UBTD1: variants seen among roughly 807,000 people sequenced by gnomAD.
UBTD1 encodes the protein ubiquitin domain containing 1.
A neutral mutation model predicts 21.7 loss-of-function variants in UBTD1; 19 were observed. That is an observed-to-expected ratio of 0.87 (90% CI 0.61 to 1.28). The LOEUF (loss-of-function observed/expected upper bound fraction) is 1.28. Among genes scored for constraint, UBTD1 ranks in the 50% most tolerant of loss-of-function variants. UBTD1 has a pLI of 0.00. For synonymous variants in UBTD1, 116 were observed against 135.1 expected (o/e 0.86, Z 0.98); for missense variants, 282 against 315.1 (o/e 0.89, Z 0.80).
intron 1 of UBTD1, among the ~76,000 whole-genome samples, chr10:97,561,679 C>T (rs1377763949): frequency 6.6e-6 from 1 of 152,110 alleles, no homozygotes; most frequent in East Asian, 1.9e-4. Flanking sequence ...CCAGGCAGGC[C>T]CAGGTCTGGT....
In UBTD1 at chr10:97,507,096, C is replaced by T. The variant is rs181746150; in HGVS notation, c.70+7823C>T. On this transcript the variant is annotated intron_variant, in intron 1 of 2. Coordinates refer to ENST00000370664, the MANE Select transcript of UBTD1 (RefSeq NM_024954.5). Reference sequence around the variant, plus strand: ...TCTATTTTTACTTTTTTGAATAACCCCCCATAACACTTTCCTCAGCAGCTG... The same window carrying T: ...TCTATTTTTACTTTTTTGAATAACCTCCCATAACACTTTCCTCAGCAGCTG... 4.9e-3 allele frequency among the ~76,000 whole-genome samples: 740 copies of T among 152,246 alleles called. 8 individuals carry two copies. Among genetic ancestry groups the T allele is most frequent in the African/African-American group, 0.017 (688 of 41,520 alleles).
At chr10:97,501,482 C>T (rs2040376119) in intron 1 of UBTD1, among the ~76,000 whole-genome samples, 1 of 152,162 alleles carries the variant, frequency 6.6e-6, no homozygotes, top group African/African-American at 2.4e-5. Context: ...CCCAGCTACT[C>T]AGGAGGCTGA....
intron 1 of UBTD1, among the ~76,000 whole-genome samples, chr10:97,522,073 A>G (rs539587148): frequency 1.3e-3 from 194 of 152,338 alleles, no homozygotes; most frequent in Middle Eastern, 6.8e-3. Context: ...AGAAGGTGGC[A>G]AGAGCATGTC....
intron 1 of UBTD1, among the ~76,000 whole-genome samples, chr10:97,559,679 T>C (rs2135685557): frequency 6.6e-6 from 1 of 152,262 alleles, no homozygotes; most frequent in Non-Finnish European, 1.5e-5. Context: ...TAAGGTAAGA[T>C]TTTATAGACT....
intron 1 of UBTD1, among the ~76,000 whole-genome samples, chr10:97,559,685 A>G (rs1490946389): frequency 6.6e-6 from 1 of 152,168 alleles, no homozygotes; most frequent in African/African-American, 2.4e-5. Flanking sequence ...AAGATTTTAT[A>G]GACTCTTTTT....
intron 1 of UBTD1, among the ~76,000 whole-genome samples, chr10:97,552,591 T>C (rs1235434794): frequency 6.6e-6 from 1 of 151,970 alleles, no homozygotes; most frequent in Non-Finnish European, 1.5e-5. Flanking sequence ...TTTGTAGAGA[T>C]GGGTTTTTAC....
intron 1 of UBTD1, among the ~76,000 whole-genome samples, chr10:97,508,899 C>T (rs547741919): frequency 6.6e-6 from 1 of 152,272 alleles, no homozygotes; most frequent in East Asian, 1.9e-4. Flanking sequence ...TTGTTGTTTC[C>T]TCCTCCTTCT....
intron 1 of UBTD1, among the ~76,000 whole-genome samples, chr10:97,502,887 G>GTATA (rs148317640): frequency 2.9e-4 from 42 of 144,264 alleles, no homozygotes; most frequent in African/African-American, 1.0e-3. Context: ...ATATATATAC[G>GTATA]TATATATATG....
chr10:97,532,224 T>C (rs2040535374), intron 1 of UBTD1, among the ~76,000 whole-genome samples: 2 of 152,190 alleles, frequency 1.3e-5, no homozygotes, highest in Admixed American at 6.5e-5. Flanking sequence ...AACCAAGCAG[T>C]TGGAGTTGTC....
At chr10:97,539,762 C>G (rs1029050764) in intron 1 of UBTD1, among the ~76,000 whole-genome samples, 8 of 152,038 alleles carry the variant, frequency 5.3e-5, no homozygotes, top group Non-Finnish European at 1.2e-4. Flanking sequence ...CTCTTGTGGC[C>G]TGGTGGGAGG....
intron 1 of UBTD1, among the ~76,000 whole-genome samples, chr10:97,567,651 C>T (rs1043689314): frequency 6.6e-6 from 1 of 151,972 alleles, no homozygotes; most frequent in African/African-American, 2.4e-5. Flanking sequence ...AAGAGTGAAA[C>T]TCCATCTCAA....
At chr10:97,520,952 T>C (rs2040464537) in intron 1 of UBTD1, among the ~76,000 whole-genome samples, 1 of 152,106 alleles carries the variant, frequency 6.6e-6, no homozygotes. Context: ...TGCTGTGACC[T>C]TCTTCCCATA....
At chr10:97,547,109 C>T (rs540268920) in intron 1 of UBTD1, among the ~76,000 whole-genome samples, 5 of 152,280 alleles carry the variant, frequency 3.3e-5, no homozygotes, top group African/African-American at 4.8e-5. Context: ...CATGTCTGAG[C>T]GCTCGTGGCA....
chr10:97,564,108 G>A (rs1174643010), intron 1 of UBTD1, among the ~76,000 whole-genome samples: 1 of 152,126 alleles, frequency 6.6e-6, no homozygotes, highest in Admixed American at 6.5e-5. Flanking sequence ...AGTTTGAGGG[G>A]TCAGATTCTT....
intron 1 of UBTD1, among the ~76,000 whole-genome samples, chr10:97,537,328 T>C (rs2040567451): frequency 6.6e-6 from 1 of 152,116 alleles, no homozygotes; most frequent in Non-Finnish European, 1.5e-5. Context: ...AAGAATTGGG[T>C]TACCTTGGGG....
At chr10:97,540,238 A>C (rs940563197) in intron 1 of UBTD1, among the ~76,000 whole-genome samples, 1 of 152,246 alleles carries the variant, frequency 6.6e-6, no homozygotes, top group Non-Finnish European at 1.5e-5. Flanking sequence ...TAGACTGTAC[A>C]CAGAATAGGA....
intron 1 of UBTD1, among the ~76,000 whole-genome samples, chr10:97,533,519 G>A (rs2040543128): frequency 1.3e-5 from 2 of 152,218 alleles, no homozygotes; most frequent in South Asian, 4.1e-4. Context: ...GCCTTGGGCT[G>A]GTGGAGCGTG....
rs1210329059 is a variant in UBTD1, at chr10:97,570,271, C to T, written c.432C>T (p.Ser144=). Residue 144 remains serine (S), a synonymous_variant, in exon 3 of 3, where the codon AGC becomes AGT. Coordinates refer to ENST00000370664, the MANE Select transcript of UBTD1 (RefSeq NM_024954.5). This position sits in a 1 kb window ranked among gnomAD's most constrained non-coding sequence, Gnocchi z 6.6. ...TGGAGCCCCCCGAGCCTCCACCCAG[C>T]GTGCGCCGTGAGTTCCCGCTGAAGG... The part of the protein sequence containing the change: ...ESLEPPEPPP[S]VRREFPLKVR... The T allele has an allele frequency of 6.8e-6, 11 of 1,613,168 alleles. No individual in the cohort carries two copies. The highest frequency in any genetic ancestry group is 3.3e-5 in the Admixed American group (2 of 60,024).
chr10:97,558,425 C>T (rs1352895265), intron 1 of UBTD1, among the ~76,000 whole-genome samples: 1 of 152,194 alleles, frequency 6.6e-6, no homozygotes, highest in Admixed American at 6.5e-5. Flanking sequence ...AGCTTATCTG[C>T]TTCTTGTGCT....
Sources: gnomAD v4.1 joint callset for allele counts (sites outside exome capture counted in the v4.1 genomes callset) on GRCh38, gnomAD v4.1.1 for gene constraint, Gnocchi (gnomAD v3.1) non-coding constraint, MANE v1.5 for transcripts, NCBI Gene and HGNC (gene_info 2026-07-23, HGNC 2026-07-21) for gene names.